Variants in UBAP2L observed in about 807,000 individuals in gnomAD.
UBAP2L encodes the protein ubiquitin-associated protein 2-like.
A neutral mutation model predicts 130.6 loss-of-function variants in UBAP2L; 12 were observed. The ratio of observed to expected loss-of-function variants is 0.09; its 90% CI spans 0.06 to 0.15. The LOEUF is 0.15. Among genes scored for constraint, UBAP2L ranks in the 10% least tolerant of loss-of-function variants. The pLI, the probability that UBAP2L is intolerant of heterozygous loss-of-function variation, is 1.00. For synonymous variants in UBAP2L, 503 were observed against 524.7 expected (o/e 0.96, Z 0.57); for missense variants, 965 against 1,332.5 (o/e 0.72, Z 4.29).
Position 154,227,308 on chromosome 1 carries a change from A to C in UBAP2L, c.117A>C (p.Ala39=), listed in dbSNP as rs367805178. 2.5e-6 allele frequency: 4 copies of C among 1,613,834 alleles called. No individual in the cohort carries two copies. The highest frequency in any genetic ancestry group is 2.2e-5 in the East Asian group (1 of 44,870). ...PQATAEQIRL[A]QMISDHNDAD... ...CCACTGCAGAACAAATTAGACTTGC[A>C]CAGATGATTTCGGACCATAATGATG... Residue 39 remains alanine (A), a synonymous_variant, in exon 3 of 27, where the codon GCA becomes GCC. Coordinates refer to ENST00000428931, the MANE Select transcript of UBAP2L (RefSeq NM_014847.4).
chr1:154,225,791 T>G (rs1025609251), intron 2 of UBAP2L, among the ~76,000 whole-genome samples: 1 of 152,236 alleles, frequency 6.6e-6, no homozygotes, highest in Non-Finnish European at 1.5e-5. Flanking sequence ...ACCTTTCTAT[T>G]TCTTAGACCT....
At chr1:154,267,880 C>CTTTTTTTGTTTTTTTTTTTTTTTT (rs1683769125) in intron 25 of UBAP2L, among the ~76,000 whole-genome samples, 1 of 52,056 alleles carries the variant, frequency 1.9e-5, no homozygotes, top group Non-Finnish European at 3.6e-5. Flanking sequence ...CTTATTTGGT[C>CTTTTTTTGTTTTTTTTTTTTTTTT]TTTTTTTTTT....
In UBAP2L at chr1:154,257,169, G is replaced by A. The variant is rs760270628; in HGVS notation, c.2264G>A (p.Ser755Asn). The A allele has an allele frequency of 1.9e-6, 3 of 1,614,086 alleles. No homozygotes were observed. Among genetic ancestry groups the A allele is most frequent in the Non-Finnish European group, 8.5e-7 (1 of 1,180,060 alleles). The change falls in exon 19 of 27, where the codon AGT (serine) becomes AAT (asparagine). Residue 755 changes from serine to asparagine, a missense_variant. Physicochemically the swap from Ser to Asn is conservative, Grantham distance 46. This residue lies in a region of UBAP2L where 393 missense variants were observed against 408.1 expected (regional missense o/e 0.96). Coordinates refer to ENST00000428931, the MANE Select transcript of UBAP2L (RefSeq NM_014847.4). Reference protein sequence around the residue: ...APPPVVSVSSSLNSGSSLGLS... With the variant: ...APPPVVSVSSNLNSGSSLGLS... ...CCCCCAGTGGTCAGTGTCTCCTCCA[G>A]TCTCAATAGTGGCAGTAGCCTGGGC...
intron 6 of UBAP2L, among the ~76,000 whole-genome samples, chr1:154,236,151 A>G (rs1334386097): frequency 1.3e-5 from 2 of 152,206 alleles, no homozygotes; most frequent in Non-Finnish European, 2.9e-5. Context: ...GAGAAAGAAC[A>G]TCTGATAGTA....
At chr1:154,221,087 C>G (rs1351786228) in intron 1 of UBAP2L, 112 bp downstream of exon 1, 1 of 166,816 alleles carries the variant, frequency 6.0e-6, no homozygotes, top group Non-Finnish European at 1.3e-5. Flanking sequence ...TTTTACCCTC[C>G]CTCTTTTCTC....
chr1:154,271,110 T>G, downstream of UBAP2L: 1 of 676,370 alleles, frequency 1.5e-6, no homozygotes, highest in Non-Finnish European at 2.4e-6. Flanking sequence ...AATCTTCATT[T>G]CCTCCAGAAA....
intron 8 of UBAP2L, among the ~76,000 whole-genome samples, chr1:154,240,812 A>T (rs182444015): frequency 6.6e-6 from 1 of 151,196 alleles, no homozygotes; most frequent in South Asian, 2.1e-4. Context: ...CTTATACTAG[A>T]TAAATAGGTG....
chr1:154,265,126 C>A (rs1682858327), intron 24 of UBAP2L, among the ~76,000 whole-genome samples: 2 of 152,136 alleles, frequency 1.3e-5, no homozygotes, highest in Non-Finnish European at 1.5e-5. Context: ...AGTGTTTGCC[C>A]CTCCCAGGAA....
intron 20 of UBAP2L, among the ~76,000 whole-genome samples, chr1:154,258,092 C>T (rs1331801538): frequency 6.6e-6 from 1 of 152,132 alleles, no homozygotes; most frequent in Non-Finnish European, 1.5e-5. Context: ...CCTCAGACTC[C>T]CCAAGTAGCT....
chr1:154,236,488 C>T (rs1312166368), intron 6 of UBAP2L, 78 bp from the exon 7 acceptor site: 2 of 1,523,546 alleles, frequency 1.3e-6, no homozygotes, highest in East Asian at 2.2e-5. Context: ...CCGGGAGCCA[C>T]TGTGCCTGCC....
chr1:154,262,825 TTGG>T (rs1248190699), intron 24 of UBAP2L, among the ~76,000 whole-genome samples: 2 of 152,132 alleles, frequency 1.3e-5, no homozygotes, highest in African/African-American at 4.8e-5. Context: ...ACCCTAAATC[TTGG>T]TGGGGAGGAT....
At chr1:154,223,145 C>T (rs768803222) in intron 1 of UBAP2L, among the ~76,000 whole-genome samples, 6 of 152,056 alleles carry the variant, frequency 3.9e-5, no homozygotes, top group Non-Finnish European at 7.4e-5. Context: ...AGTCACATTT[C>T]GAAGCACTTG....
intron 20 of UBAP2L, 40 bp downstream of exon 20, chr1:154,257,474 G>T: frequency 1.2e-6 from 2 of 1,606,962 alleles, no homozygotes; most frequent in Non-Finnish European, 8.5e-7. Flanking sequence ...AGGTGAGGAT[G>T]TTGTGGCTAC....
upstream of UBAP2L, chr1:154,220,840 C>T (rs1245061152): frequency 3.4e-5 from 5 of 148,848 alleles, no homozygotes; most frequent in Non-Finnish European, 6.9e-5. Context: ...CTGAGGGACG[C>T]AGGAAGGCAA....
At chr1:154,237,814 C>T (rs1218270364) in intron 8 of UBAP2L, among the ~76,000 whole-genome samples, 1 of 152,052 alleles carries the variant, frequency 6.6e-6, no homozygotes, top group East Asian at 1.9e-4. Flanking sequence ...GTGCCTGCGT[C>T]TGGGCTGGAT....
chr1:154,263,202 C>T, intron 24 of UBAP2L: 2 of 1,549,346 alleles, frequency 1.3e-6, no homozygotes, highest in Non-Finnish European at 1.7e-6. Flanking sequence ...TAAATTTGCA[C>T]TGAAGTCTTG....
intron 15 of UBAP2L, chr1:154,254,625 G>A (rs1678994558): frequency 1.7e-6 from 1 of 594,422 alleles, no homozygotes; most frequent in Non-Finnish European, 2.9e-6. Context: ...TGGTCACACA[G>A]TGTTGGTATA....
At chr1:154,226,302 T>C (rs991228404) in intron 2 of UBAP2L, among the ~76,000 whole-genome samples, 4 of 152,240 alleles carry the variant, frequency 2.6e-5, no homozygotes, top group African/African-American at 9.6e-5. Context: ...AGAGCATTGC[T>C]CAATTTTAAG....
intron 4 of UBAP2L, among the ~76,000 whole-genome samples, chr1:154,231,381 G>C (rs550759827): frequency 2.0e-5 from 3 of 150,228 alleles, no homozygotes; most frequent in East Asian, 3.9e-4. Flanking sequence ...GCTCACTGCA[G>C]CCTCTGCCTC....
Sources: gnomAD v4.1 joint callset for allele counts (sites outside exome capture counted in the v4.1 genomes callset) on GRCh38, gnomAD v4.1.1 for gene constraint, gnomAD v4.1.1 regional missense constraint, MANE v1.5 for transcripts, NCBI Gene and HGNC (gene_info 2026-07-23, HGNC 2026-07-21) for gene names.